The following ADGRL3 variants were observed in gnomAD, a reference collection of about 807,000 sequenced individuals.
ADGRL3 encodes the protein adhesion G protein-coupled receptor L3, also known as calcium-independent alpha-latrotoxin receptor 3.
In ADGRL3, 62 loss-of-function variants were observed where a neutral mutation model predicts 153.5. The ratio of observed to expected loss-of-function variants is 0.40; its 90% CI spans 0.33 to 0.50. ADGRL3 has a LOEUF of 0.50. Among genes scored for constraint, ADGRL3 ranks in the 20% least tolerant of loss-of-function variants. The probability of loss-of-function intolerance (pLI) is 0.47; values close to 1 mark genes in which losing one functional copy is unlikely to be tolerated. For missense variants in ADGRL3, 1,641 were observed against 1,859.4 expected, an observed-to-expected ratio of 0.88 and a Z score of 2.16; for synonymous variants, 710 against 672.5, an observed-to-expected ratio of 1.06 and a Z score of -0.86.
intron 9 of ADGRL3, among the ~76,000 whole-genome samples, chr4:61,859,286 C>T (rs1311992079): frequency 6.6e-6 from 1 of 152,016 alleles, no homozygotes. Flanking sequence ...GTTTTTTCTA[C>T]ATATTAATTT....
intron 1 of ADGRL3, among the ~76,000 whole-genome samples, chr4:61,240,131 C>G (rs552580794): frequency 2.0e-5 from 3 of 152,176 alleles, no homozygotes; most frequent in African/African-American, 4.8e-5. Flanking sequence ...GAGGGTTACT[C>G]TCTGCTTCCA....
intron 10 of ADGRL3, among the ~76,000 whole-genome samples, 154 bp downstream of exon 10, chr4:61,893,112 T>C (rs62304416): frequency 1.7e-3 from 85 of 50,506 alleles, no homozygotes; most frequent in South Asian, 3.1e-3. Context: ...TCCTTCCTTC[T>C]TTCTTTCTCT....
chr4:61,916,038 G>A (rs2098743698), intron 13 of ADGRL3, among the ~76,000 whole-genome samples: 1 of 152,034 alleles, frequency 6.6e-6, no homozygotes, highest in Non-Finnish European at 1.5e-5. Context: ...ATTATCCAGA[G>A]TTATCTTTTG....
intron 21 of ADGRL3, among the ~76,000 whole-genome samples, chr4:62,015,257 T>A (rs1402918120): frequency 1.3e-5 from 2 of 152,224 alleles, no homozygotes; most frequent in Admixed American, 1.3e-4. Context: ...GGCACTTTTA[T>A]AAATGTGCTA....
chr4:61,653,885 C>T (rs1346817480), intron 5 of ADGRL3, among the ~76,000 whole-genome samples: 1 of 152,066 alleles, frequency 6.6e-6, no homozygotes, highest in African/African-American at 2.4e-5. Context: ...AAGTGACTTT[C>T]CAGAGAAAAA....
At chr4:61,906,375 A>G (rs1307698198) in intron 11 of ADGRL3, 1 of 152,138 alleles carries the variant, frequency 6.6e-6, no homozygotes, top group East Asian at 1.9e-4. Context: ...TACTTGCTAT[A>G]CAACCCCCAC....
chr4:61,567,757 A>G (rs1410577602), intron 4 of ADGRL3, among the ~76,000 whole-genome samples: 5 of 152,190 alleles, frequency 3.3e-5, no homozygotes, highest in African/African-American at 1.2e-4. Flanking sequence ...GCAAGTACAT[A>G]CATAAGTAGG....
chr4:61,929,792 C>A (rs562628807), intron 13 of ADGRL3, among the ~76,000 whole-genome samples: 2 of 152,244 alleles, frequency 1.3e-5, no homozygotes, highest in South Asian at 4.1e-4. Context: ...GGGGATTCCC[C>A]TCCCCGCCCC....
chr4:61,420,734 C>T (rs2097195998), intron 2 of ADGRL3: 2 of 131,088 alleles, frequency 1.5e-5, no homozygotes, highest in Admixed American at 8.7e-5. Context: ...CTTAAAGTCT[C>T]ATTTGTGTAA....
At chr4:61,535,850 C>A (rs547057126) in intron 4 of ADGRL3, among the ~76,000 whole-genome samples, 1 of 152,002 alleles carries the variant, frequency 6.6e-6, no homozygotes, top group Admixed American at 6.6e-5. Flanking sequence ...TTCAAATAAC[C>A]AATTTTTTAC....
chr4:62,000,778 T>C (rs1560488081), intron 21 of ADGRL3, among the ~76,000 whole-genome samples: 1 of 152,154 alleles, frequency 6.6e-6, no homozygotes, highest in East Asian at 1.9e-4. Context: ...TTTTAATTTT[T>C]ATTTATTTAT....
At chr4:62,027,407 A>G (rs1719328019) in intron 21 of ADGRL3, among the ~76,000 whole-genome samples, 1 of 152,000 alleles carries the variant, frequency 6.6e-6, no homozygotes, top group Admixed American at 6.6e-5. Context: ...GCTTTTGAGT[A>G]CTTGTGTTGT....
chr4:61,242,963 T>G (rs1243925512), intron 1 of ADGRL3, among the ~76,000 whole-genome samples: 5 of 152,030 alleles, frequency 3.3e-5, no homozygotes, highest in Admixed American at 3.3e-4. Context: ...CTTTAAGGAG[T>G]CTATTTGTAA....
At chr4:61,357,701 A>T (rs550366753) in intron 1 of ADGRL3, among the ~76,000 whole-genome samples, 2 of 152,182 alleles carry the variant, frequency 1.3e-5, no homozygotes. Context: ...GAAAATACAT[A>T]TATGTAAATT....
At chr4:61,863,472 C>T (rs1049590339) in intron 9 of ADGRL3, among the ~76,000 whole-genome samples, 50 of 151,798 alleles carry the variant, frequency 3.3e-4, no homozygotes, top group African/African-American at 1.2e-3. Flanking sequence ...CTCCTGACCT[C>T]GTGATCCGCC....
intron 4 of ADGRL3, among the ~76,000 whole-genome samples, chr4:61,520,885 C>A (rs987236165): frequency 6.6e-6 from 1 of 151,954 alleles, no homozygotes; most frequent in Non-Finnish European, 1.5e-5. Context: ...TGCTCATTGT[C>A]ATTATAAGTG....
At chr4:61,694,204 T>A (rs2095598170) in intron 6 of ADGRL3, among the ~76,000 whole-genome samples, 1 of 96,318 alleles carries the variant, frequency 1.0e-5, no homozygotes, top group African/African-American at 4.4e-5. Flanking sequence ...TTTTTTTTTT[T>A]TTTTTTTTTT....
At chr4:61,239,761 A>G (rs1469045272) in intron 1 of ADGRL3, among the ~76,000 whole-genome samples, 2 of 152,116 alleles carry the variant, frequency 1.3e-5, no homozygotes, top group Non-Finnish European at 2.9e-5. Context: ...AGAAAACAGG[A>G]TTTTCTTTCA....
At chr4:61,976,960 G>A (rs1171927804) in intron 17 of ADGRL3, among the ~76,000 whole-genome samples, 3 of 152,232 alleles carry the variant, frequency 2.0e-5, no homozygotes, top group East Asian at 1.9e-4. Context: ...TGGACATATA[G>A]GTGGTTGGTG....
Sources: allele counts gnomAD v4.1 joint callset (sites outside exome capture counted in the v4.1 genomes callset), GRCh38; gene constraint gnomAD v4.1.1; transcripts MANE v1.5; gene names NCBI Gene and HGNC (gene_info 2026-07-23, HGNC 2026-07-21).